Variants in MAPT observed in about 807,000 individuals in gnomAD.
The protein encoded by MAPT is microtubule associated protein tau.
In MAPT, 34 loss-of-function variants were observed where a neutral mutation model predicts 67.9. That is an observed-to-expected ratio of 0.50 (90% CI 0.38 to 0.67). The LOEUF (loss-of-function observed/expected upper bound fraction) is 0.67. Among genes scored for constraint, MAPT ranks in the 30% least tolerant of loss-of-function variants. The pLI is 0.00. For synonymous variants in MAPT, 456 were observed against 464.5 expected, an observed-to-expected ratio of 0.98 and a Z score of 0.23; for missense variants, 881 against 1,115.2, an observed-to-expected ratio of 0.79 and a Z score of 2.99.
At chr17:45,945,325 CTT>C (rs2068374621) in intron 1 of MAPT, among the ~76,000 whole-genome samples, 1 of 152,180 alleles carries the variant, frequency 6.6e-6, no homozygotes, top group African/African-American at 2.4e-5. Context: ...AATATTTACT[CTT>C]GTTATTAAGG....
chr17:45,965,159 C>T (rs142922792), intron 2 of MAPT, among the ~76,000 whole-genome samples: 2,910 of 152,120 alleles, frequency 0.019, 98 homozygotes, highest in African/African-American at 0.066. Flanking sequence ...CAGCCGGGCG[C>T]GGTGGCTCAC....
At chr17:45,916,052 C>T (rs184327600) in intron 1 of MAPT, among the ~76,000 whole-genome samples, 26 of 152,252 alleles carry the variant, frequency 1.7e-4, no homozygotes, top group African/African-American at 6.0e-4. Context: ...CTGTCCCAGT[C>T]AGCCCACCAT....
rs1264106374 is a variant in MAPT at position 45,896,216 on chromosome 17, G to A, written c.-18+1530G>A. 1 of 152,136 alleles carries A rather than the reference G, an allele frequency of 6.6e-6. No homozygotes were observed. Among genetic ancestry groups the A allele is most frequent in the African/African-American group, 2.4e-5 (1 of 41,422 alleles). 9.4% of individuals were successfully genotyped at this position (152,136 alleles called of 1,614,324 possible). Reference sequence around the variant, plus strand: ...CGCAGCCTCGTCTCGGAGTCTGCCGGCGCCGGGAAGCTTCTGAAGGGATGG... The same window carrying A: ...CGCAGCCTCGTCTCGGAGTCTGCCGACGCCGGGAAGCTTCTGAAGGGATGG... On this transcript the variant is annotated intron_variant, in intron 1 of 12. Coordinates refer to ENST00000262410, the MANE Select transcript of MAPT (RefSeq NM_001377265.1). This position sits in a 1 kb window ranked among gnomAD's most constrained non-coding sequence, Gnocchi z 5.6.
At chr17:45,932,594 C>CAAAAAA (rs982542546) in intron 1 of MAPT, among the ~76,000 whole-genome samples, 6 of 49,998 alleles carry the variant, frequency 1.2e-4, no homozygotes, top group East Asian at 6.8e-4. Flanking sequence ...GACTCCATCT[C>CAAAAAA]AAAAAAAAAA....
rs2064328678 is a variant in MAPT at position 45,906,629 on chromosome 17, C to T, written c.-18+11943C>T. 6.6e-6 allele frequency among the ~76,000 whole-genome samples: 1 copy of T among 152,042 alleles called. No individual in the cohort carries two copies. The highest frequency in any genetic ancestry group is 2.4e-5 in the African/African-American group (1 of 41,396). On this transcript the variant is annotated intron_variant, in intron 1 of 12. Coordinates refer to ENST00000262410, the MANE Select transcript of MAPT (RefSeq NM_001377265.1). This position sits in a 1 kb window ranked among gnomAD's most constrained non-coding sequence, Gnocchi z 4.3. ...AGGTATTTCAGGGTGTATGCATAACCCCCACCCTGACAATGGCCCATCTCT... is the reference window on the plus strand; with the variant it reads ...AGGTATTTCAGGGTGTATGCATAACTCCCACCCTGACAATGGCCCATCTCT...
intron 12 of MAPT, among the ~76,000 whole-genome samples, chr17:46,022,353 C>CAAA (rs56222318): frequency 2.2e-3 from 194 of 89,606 alleles, no homozygotes; most frequent in African/African-American, 8.6e-3. Flanking sequence ...ATCTTTGTCT[C>CAAA]AAAAAAAAAA....
Position 45,915,344 on chromosome 17 carries a change from GGT to G in MAPT, c.-18+20663_-18+20664del, listed in dbSNP as rs1009427150. On this transcript the variant is annotated intron_variant, in intron 1 of 12. Coordinates refer to ENST00000262410, the MANE Select transcript of MAPT (RefSeq NM_001377265.1). This position sits in a 1 kb window ranked among gnomAD's most constrained non-coding sequence, Gnocchi z 4.4. The stretch of plus-strand genomic sequence containing the variant: ...TGTGTAGTGTGTGTGTGAAGTATGT[GGT>G]GTGTATGTGTGACGTGAGGTGTGTG... 4.6e-5 allele frequency among the ~76,000 whole-genome samples: 7 copies of G among 150,640 alleles called. No homozygotes were observed. Among genetic ancestry groups the G allele is most frequent in the South Asian group, 2.1e-4 (1 of 4,730 alleles).
intron 9 of MAPT, among the ~76,000 whole-genome samples, chr17:46,006,212 A>G (rs1598363760): frequency 6.6e-6 from 1 of 152,358 alleles, no homozygotes; most frequent in East Asian, 1.9e-4. Context: ...AGACAAATGG[A>G]TAAAGAAAAT....
Position 45,996,774 on chromosome 17 carries a change from C to T in MAPT, c.1998+110C>T. 8.9e-6 allele frequency: 13 copies of T among 1,455,516 alleles called. No homozygotes were observed. The highest frequency in any genetic ancestry group is 2.4e-5 in the East Asian group (1 of 41,148). The allele number at this position is 1,455,516 out of a possible 1,614,324, so 90.2% of individuals were successfully genotyped here. A position where few individuals can be genotyped will look rare whatever the true frequency, so the allele number is the denominator to read the frequency against. ...GGAGGTGCGCGGTTGAGCGTGGAGT[C>T]GTGGGACTGTGCATGGAGGTGTGGG... On this transcript the variant is annotated intron_variant, in intron 9 of 12. Coordinates refer to ENST00000262410, the MANE Select transcript of MAPT (RefSeq NM_001377265.1). The surrounding 1 kb of genome is among the most constrained non-coding windows in gnomAD (Gnocchi z 4.5).
chr17:45,984,642 A>T (rs540656693), intron 5 of MAPT, among the ~76,000 whole-genome samples: 17 of 152,330 alleles, frequency 1.1e-4, no homozygotes, highest in Non-Finnish European at 7.4e-5. Flanking sequence ...CAGACACAAG[A>T]TCTCCCTGGT....
intron 1 of MAPT, among the ~76,000 whole-genome samples, chr17:45,949,477 A>G (rs1001557444): frequency 2.6e-5 from 4 of 152,210 alleles, no homozygotes; most frequent in Admixed American, 2.0e-4. Flanking sequence ...CACCCGTTTG[A>G]TACAGTAGCA....
At chr17:45,951,223 G>A (rs1466836864) in intron 1 of MAPT, among the ~76,000 whole-genome samples, 1 of 152,202 alleles carries the variant, frequency 6.6e-6, no homozygotes, top group African/African-American at 2.4e-5. Flanking sequence ...GGGAGCAGCT[G>A]TCTATGAGGT....
At chr17:45,941,394 G>T (rs991680470) in intron 1 of MAPT, among the ~76,000 whole-genome samples, 1 of 152,060 alleles carries the variant, frequency 6.6e-6, no homozygotes, top group African/African-American at 2.4e-5. Flanking sequence ...TGGGTGTGGA[G>T]GGCGTAGCAC....
At chr17:45,964,768 C>A (rs2070861217) in intron 2 of MAPT, among the ~76,000 whole-genome samples, 2 of 152,012 alleles carry the variant, frequency 1.3e-5, no homozygotes, top group Non-Finnish European at 2.9e-5. Context: ...TCTCCCACTT[C>A]CCCCACTCCC....
At position 46,027,471 on chromosome 17, in the gene MAPT, TC is replaced by T. The variant is rs2076858618; in HGVS notation, c.*3301del. 2 of 152,440 alleles carry T rather than the reference TC, an allele frequency of 1.3e-5. No homozygotes were observed. Among genetic ancestry groups the T allele is most frequent in the African/African-American group, 4.8e-5 (2 of 41,444 alleles). 9.4% of individuals were successfully genotyped at this position (152,440 alleles called of 1,614,324 possible). A position where few individuals can be genotyped will look rare whatever the true frequency, so the allele number is the denominator to read the frequency against. ...TCCTTCAAGCTGCTGACTCACTTTA[TC>T]AATAGTTCCATTTAAATTGACTTCA... On this transcript the variant is annotated 3_prime_UTR_variant, in exon 13 of 13. Coordinates refer to ENST00000262410, the MANE Select transcript of MAPT (RefSeq NM_001377265.1).
chr17:45,910,965 A>C lies in MAPT; in HGVS notation c.-18+16279A>C, dbSNP rs182224865. Among the ~76,000 whole-genome samples the C allele has an allele frequency of 8.5e-4, 129 of 152,326 alleles. 2 individuals are homozygous for C. In the Middle Eastern group the frequency reaches 0.014, roughly 16 times the overall value. On this transcript the variant is annotated intron_variant, in intron 1 of 12. Transcript: ENST00000262410. ...AAGGAGGAAAACCACCATCATGTTA[A>C]AGCAGACAGTTAGGTAACACATCCT...
intron 1 of MAPT, among the ~76,000 whole-genome samples, chr17:45,939,446 G>C (rs1439468967): frequency 1.3e-5 from 2 of 152,064 alleles, no homozygotes; most frequent in Non-Finnish European, 2.9e-5. Flanking sequence ...ATCTCATTTT[G>C]TTTTTTGTTT....
At chr17:45,955,563 G>A (rs1598134319) in intron 1 of MAPT, among the ~76,000 whole-genome samples, 1 of 152,144 alleles carries the variant, frequency 6.6e-6, no homozygotes, top group Non-Finnish European at 1.5e-5. Flanking sequence ...TTACCCCATC[G>A]CCACAGACTT....
rs1305348227 is a variant in MAPT at position 45,982,980 on chromosome 17, C to T, written c.401C>T (p.Pro134Leu). Residue 134 changes from proline to leucine, a missense_variant, in exon 5 of 13, where the codon CCG becomes CTG. Physicochemically the swap from Pro to Leu is moderately conservative, Grantham distance 98. Around this residue, in one of 6 missense-constraint regions of MAPT, gnomAD observed 687 missense variants for 766.1 expected, o/e 0.90. Coordinates refer to ENST00000262410, the MANE Select transcript of MAPT (RefSeq NM_001377265.1). ...GGAGAGGCCTCTGGGGTCTCTGGGCCGTGCCTCGGGGAGAAAGAGCCAGAA... is the reference window on the plus strand; with the variant it reads ...GGAGAGGCCTCTGGGGTCTCTGGGCTGTGCCTCGGGGAGAAAGAGCCAGAA... ...PCGEASGVSGPCLGEKEPEAP... is the reference protein window; with the variant it reads ...PCGEASGVSGLCLGEKEPEAP... 9.0e-6 allele frequency: 13 copies of T among 1,438,324 alleles called. No individual in the cohort carries two copies. The highest frequency in any genetic ancestry group is 6.0e-5 in the South Asian group (4 of 67,138). The allele number at this position is 1,438,324 out of a possible 1,614,324, so 89.1% of individuals were successfully genotyped here. A position where few individuals can be genotyped will look rare whatever the true frequency, so the allele number is the denominator to read the frequency against.
Sources: gnomAD v4.1 joint callset for allele counts (sites outside exome capture counted in the v4.1 genomes callset) on GRCh38, gnomAD v4.1.1 for gene constraint, gnomAD v4.1.1 regional missense constraint, Gnocchi (gnomAD v3.1) non-coding constraint, MANE v1.5 for transcripts, NCBI Gene and HGNC (gene_info 2026-07-23, HGNC 2026-07-21) for gene names.